MTFR1: variants seen among roughly 807,000 people sequenced by gnomAD.
MTFR1 encodes chondrocyte protein with a poly-proline region.
Under a neutral mutation model 38.8 loss-of-function variants are expected in MTFR1, and 28 were observed. The ratio of observed to expected loss-of-function variants is 0.72; its 90% CI spans 0.53 to 0.99. The LOEUF (loss-of-function observed/expected upper bound fraction) is 0.99. MTFR1 is among the 50% of genes least tolerant of loss of function. The pLI is 0.00. For missense variants in MTFR1, 358 were observed against 395.5 expected (o/e 0.91, Z 0.81); for synonymous variants, 145 against 137.0 (o/e 1.06, Z -0.41).
In MTFR1 at chr8:65,697,782, C is replaced by T. The variant is rs189774544; in HGVS notation, c.281+4023C>T. ...TTTCTCTGCGTTATTTCCTTAATAG[C>T]TAATGATGTTAAACATCTTTTTATG... is the stretch of plus-strand genomic sequence containing the variant. On this transcript the variant is annotated intron_variant, in intron 4 of 7. Transcript: ENST00000262146. Among the ~76,000 whole-genome samples, 149 of 152,310 alleles carry T rather than the reference C, an allele frequency of 9.8e-4. No homozygotes were observed. The Middle Eastern group carries it at 0.027, about 28-fold the overall frequency.
At chr8:65,724,951 A>G (rs1280730255) in intron 3 of MTFR1, 35 of 1,483,002 alleles carry the variant, frequency 2.4e-5, no homozygotes, top group Non-Finnish European at 3.2e-5. Context: ...AAGAGAAAAT[A>G]TAAGACTTTC....
chr8:65,729,472 A>AGG (rs1806749748), intron 3 of MTFR1, among the ~76,000 whole-genome samples: 1 of 146,822 alleles, frequency 6.8e-6, no homozygotes, highest in African/African-American at 2.5e-5. Flanking sequence ...GGTAAAGAGG[A>AGG]GGTGGCACTA....
chr8:65,657,795 AAC>A (rs1809308751), intron 1 of MTFR1, among the ~76,000 whole-genome samples: 2 of 152,160 alleles, frequency 1.3e-5, no homozygotes, highest in East Asian at 1.9e-4. Context: ...TTTTTAATTT[AAC>A]ACATAATAAT....
chr8:65,685,852 C>G (rs1230256839), intron 3 of MTFR1, among the ~76,000 whole-genome samples: 3 of 152,156 alleles, frequency 2.0e-5, no homozygotes, highest in African/African-American at 7.2e-5. Context: ...GGGAAGGTCT[C>G]TCTAAAGGAA....
intron 2 of MTFR1, among the ~76,000 whole-genome samples, chr8:65,678,348 C>G (rs1804776266): frequency 6.6e-6 from 1 of 152,132 alleles, no homozygotes; most frequent in Non-Finnish European, 1.5e-5. Flanking sequence ...TGGAAATTAG[C>G]TATTCTTTCC....
rs372447588 is a variant in MTFR1 at position 65,727,318 on chromosome 8, G to C, written c.*48+7837G>C. On this transcript the variant is annotated intron_variant, in intron 3 of 3. Transcript: ENST00000521247. ...ATTGGCAAGCTGAAGTGTGACAAAA[G>C]AATAATGAATCACAGATATATCTAA... is the stretch of plus-strand genomic sequence containing the variant. The C allele has an allele frequency of 3.4e-5, 55 of 1,611,956 alleles. 2 individuals are homozygous for C. In the African/African-American group the frequency reaches 3.6e-4, roughly 11 times the overall value.
intron 4 of MTFR1, among the ~76,000 whole-genome samples, chr8:65,702,263 TTTTCTTTTCTTTG>T (rs372362080): frequency 0.093 from 13,824 of 148,236 alleles, 867 homozygotes; most frequent in Middle Eastern, 0.15. Flanking sequence ...AGACTGTTAG[TTTTCTTTTCTTTG>T]TTTCTTTTCT....
intron 3 of MTFR1, among the ~76,000 whole-genome samples, chr8:65,733,041 A>G (rs1271769964): frequency 6.6e-6 from 1 of 152,162 alleles, no homozygotes; most frequent in Admixed American, 6.5e-5. Context: ...GTTCACTATG[A>G]TAAGGGAGAA....
chr8:65,647,023 A>C (rs1808979616), intron 1 of MTFR1, among the ~76,000 whole-genome samples: 1 of 152,254 alleles, frequency 6.6e-6, no homozygotes, highest in African/African-American at 2.4e-5. Flanking sequence ...GTCAGGTCAG[A>C]ATCCTTTGTG....
At chr8:65,747,515 A>G in intron 3 of MTFR1, 1 of 504,176 alleles carries the variant, frequency 2.0e-6, no homozygotes, top group Non-Finnish European at 3.3e-6. Flanking sequence ...TGCTCTAAAG[A>G]AAAAAACCTG....
the MTFR1 span, among the ~76,000 whole-genome samples, chr8:65,777,182 C>T: frequency 4.1e-5 from 6 of 147,808 alleles, no homozygotes; most frequent in East Asian, 2.0e-4. Flanking sequence ...TGGGTTCAAG[C>T]GATTCTCCTG....
chr8:65,724,939 T>C (rs1236475024), intron 3 of MTFR1: 2 of 1,548,932 alleles, frequency 1.3e-6, no homozygotes, highest in Non-Finnish European at 1.8e-6. Flanking sequence ...TAGAGAAATA[T>C]AAAGAGAAAA....
chr8:65,707,780 G>C, intron 6 of MTFR1, 63 bp from the exon 7 acceptor site: 1 of 1,567,866 alleles, frequency 6.4e-7, no homozygotes, highest in Non-Finnish European at 8.6e-7. Flanking sequence ...GGTTGACAAA[G>C]TACTTCCCTG....
chr8:65,712,439 C>T (rs1805974287), downstream of MTFR1, among the ~76,000 whole-genome samples: 1 of 152,106 alleles, frequency 6.6e-6, no homozygotes, highest in Non-Finnish European at 1.5e-5. Flanking sequence ...TAGGAAGCCT[C>T]TAGAGTGAAT....
chr8:65,751,387 C>T (rs1807946424), intron 3 of MTFR1, among the ~76,000 whole-genome samples: 1 of 152,088 alleles, frequency 6.6e-6, no homozygotes, highest in African/African-American at 2.4e-5. Flanking sequence ...TGATTCAACC[C>T]TCTATGTGTC....
At chr8:65,765,345 C>T (rs1192167945) in intron 3 of MTFR1, among the ~76,000 whole-genome samples, 9 of 150,480 alleles carry the variant, frequency 6.0e-5, no homozygotes, top group South Asian at 2.1e-4. Flanking sequence ...AAAAATTAGC[C>T]GGGCGTAGTG....
intron 3 of MTFR1, among the ~76,000 whole-genome samples, chr8:65,754,568 C>A (rs1808126087): frequency 6.6e-6 from 1 of 151,062 alleles, no homozygotes; most frequent in South Asian, 2.1e-4. Context: ...GAACTCCTGA[C>A]CTTGTGATCC....
intron 3 of MTFR1, among the ~76,000 whole-genome samples, chr8:65,691,661 T>G (rs1285980588): frequency 6.6e-6 from 1 of 151,956 alleles, no homozygotes; most frequent in African/African-American, 2.4e-5. Flanking sequence ...GATTTTGGTT[T>G]TTTTTTGTGA....
At chr8:65,689,580 G>T in intron 3 of MTFR1, 1 of 1,273,406 alleles carries the variant, frequency 7.9e-7, no homozygotes, top group South Asian at 1.3e-5. Flanking sequence ...AGTAGGACAG[G>T]ACCTTGCTGG....
Sources: gnomAD v4.1 joint callset for allele counts (sites outside exome capture counted in the v4.1 genomes callset) on GRCh38, gnomAD v4.1.1 for gene constraint, MANE v1.5 for transcripts, NCBI Gene and HGNC (gene_info 2026-07-23, HGNC 2026-07-21) for gene names.